ANGEL2: variants seen among roughly 807,000 people sequenced by gnomAD.
The protein encoded by ANGEL2 is RNA 2',3'-cyclic phosphatase ANGEL2.
A neutral mutation model predicts 66.0 loss-of-function variants in ANGEL2; 41 were observed. The ratio of observed to expected loss-of-function variants is 0.62; its 90% CI spans 0.48 to 0.81. The LOEUF (loss-of-function observed/expected upper bound fraction) is 0.81. ANGEL2 is among the 30% of genes least tolerant of loss of function. The pLI, the probability that ANGEL2 is intolerant of heterozygous loss-of-function variation, is 0.00. For synonymous variants in ANGEL2, 208 were observed against 226.5 expected, an observed-to-expected ratio of 0.92 and a Z score of 0.73; for missense variants, 561 against 641.6, an observed-to-expected ratio of 0.87 and a Z score of 1.36.
intron 5 of ANGEL2, chr1:213,001,223 T>A: frequency 3.5e-6 from 1 of 288,838 alleles, no homozygotes; most frequent in Non-Finnish European, 6.5e-6. Context: ...TAGTTCCTAT[T>A]GTATCAAATA....
rs1193750273 is a variant in ANGEL2, at chr1:213,000,351, T to C, written c.1294A>G (p.Thr432Ala). The C allele has an allele frequency of 6.2e-7, 1 of 1,613,934 alleles. No individual in the cohort carries two copies. The highest frequency in any genetic ancestry group is 8.5e-7 in the Non-Finnish European group (1 of 1,179,806). Residue 432 changes from threonine (T) to alanine (A), a missense_variant, in exon 7 of 9, where the codon ACA becomes GCA. Transcript: ENST00000366962. ...TTTTCAGCTGTCACTAGGACCTCTG[T>C]TTGCTTCAGCTGTGTTTGTGTCAGA... ...SDLTQTQLKQ[T>A]EVLVTAEKLS...
chr1:212,992,243 T>C lies in ANGEL2; in HGVS notation c.*2798A>G, dbSNP rs2075878619. ...CAAAGTGCAAATGACTTGACGCCTCTCTTTCCCCAATCCCTTGAACTCTCT... is the reference window on the plus strand; with the variant it reads ...CAAAGTGCAAATGACTTGACGCCTCCCTTTCCCCAATCCCTTGAACTCTCT... On this transcript the variant is annotated 3_prime_UTR_variant, in exon 9 of 9. Transcript: ENST00000366962. 6.6e-6 allele frequency: 1 copy of C among 152,228 alleles called. No individual in the cohort carries two copies. The highest frequency in any genetic ancestry group is 1.5e-5 in the Non-Finnish European group (1 of 68,050). 9.4% of individuals were successfully genotyped at this position (152,228 alleles called of 1,614,324 possible).
At chr1:213,012,183 A>G (rs1156318354) in intron 2 of ANGEL2, among the ~76,000 whole-genome samples, 1 of 152,220 alleles carries the variant, frequency 6.6e-6, no homozygotes, top group African/African-American at 2.4e-5. Flanking sequence ...GAACCTGAAG[A>G]GCACTAATTC....
intron 1 of ANGEL2, chr1:213,015,111 G>C: frequency 1.0e-6 from 1 of 987,306 alleles, no homozygotes. Flanking sequence ...AACAGTAAGG[G>C]ATGACATACA....
At chr1:213,013,526 T>C (rs2076562435) in intron 1 of ANGEL2, 108 bp from the exon 2 acceptor site, 2 of 1,053,200 alleles carry the variant, frequency 1.9e-6, no homozygotes. Context: ...ATTTAAAATC[T>C]GGCTGCTAAA....
At chr1:213,008,500 A>C in intron 2 of ANGEL2, 34 bp from the exon 3 acceptor site, 1 of 1,592,872 alleles carries the variant, frequency 6.3e-7, no homozygotes, top group Admixed American at 1.7e-5. Context: ...ATAAGGAATT[A>C]ATCAAAAGCA....
intron 8 of ANGEL2, among the ~76,000 whole-genome samples, chr1:212,996,441 G>C (rs1396823025): frequency 6.6e-6 from 1 of 150,788 alleles, no homozygotes; most frequent in Non-Finnish European, 1.5e-5. Context: ...GGGCAACACG[G>C]TGAAACCCTG....
At chr1:213,000,943 G>A in intron 5 of ANGEL2, 31 bp from the exon 6 acceptor site, 2 of 1,596,920 alleles carry the variant, frequency 1.3e-6, no homozygotes, top group Non-Finnish European at 1.7e-6. Flanking sequence ...TATCTTAAGT[G>A]AAAAGATTTT....
rs60445711 is a variant in ANGEL2, at chr1:213,004,865, C to CAAA, written c.1134+165_1134+167dup. 5.7e-4 allele frequency among the ~76,000 whole-genome samples: 20 copies of CAAA among 35,270 alleles called. 2 individuals are homozygous for CAAA. The highest frequency in any genetic ancestry group is 8.4e-4 in the Non-Finnish European group (17 of 20,288). The allele number at this position is 35,270 out of a possible 152,430, so 23.1% of individuals were successfully genotyped here. On this transcript the variant is annotated intron_variant, in intron 5 of 8. Coordinates refer to ENST00000366962, the MANE Select transcript of ANGEL2 (RefSeq NM_144567.5). ...CCTGGGCGACAGAGTGAGACTGTCT[C>CAAA]AAAAAAAAAAAAAAAAAAAAAAAAA...
intron 5 of ANGEL2, among the ~76,000 whole-genome samples, chr1:213,003,444 A>C (rs1046813469): frequency 1.3e-5 from 2 of 152,204 alleles, no homozygotes; most frequent in Non-Finnish European, 2.9e-5. Flanking sequence ...GAGACATGTG[A>C]GTCTTCCTTC....
rs1170888300 is a variant in ANGEL2 at position 213,005,460 on chromosome 1, A to AGAAACAAATGAATTT, written c.713-21_713-7dup. ...CTTATATTCACAGTGATAACCTACA[A>AGAAACAAATGAATTT]GAAACAAATGAATTTAAAACAAATG... On this transcript the variant is annotated splice_polypyrimidine_tract_variant and splice_region_variant and intron_variant, in intron 4 of 8. Transcript: ENST00000366962. 89 of 1,564,658 alleles carry AGAAACAAATGAATTT rather than the reference A, an allele frequency of 5.7e-5. No individual in the cohort carries two copies. Among genetic ancestry groups the AGAAACAAATGAATTT allele is most frequent in the Middle Eastern group, 5.2e-4 (3 of 5,822 alleles).
rs1225383435 is a variant in ANGEL2, at chr1:212,993,314, T to TA, written c.*1726dup. 1.3e-5 allele frequency: 2 copies of TA among 151,782 alleles called. No homozygotes were observed. The highest frequency in any genetic ancestry group is 2.4e-5 in the African/African-American group (1 of 41,328). The allele number at this position is 151,782 out of a possible 1,614,324, so 9.4% of individuals were successfully genotyped here. A position where few individuals can be genotyped will look rare whatever the true frequency, so the allele number is the denominator to read the frequency against. On this transcript the variant is annotated 3_prime_UTR_variant, in exon 9 of 9. Transcript: ENST00000366962. ...ATAGCGTGAGACACCATCTAAAAAA[T>TA]AAAAAAATAAAAACCCCCCAAAATG... is the stretch of plus-strand genomic sequence containing the variant.
At position 213,000,718 on chromosome 1, in the gene ANGEL2, T is replaced by G. The variant is rs2076154033; in HGVS notation, c.1261+68A>C. ...CCTGAGATTTTTTCTTTTTAAAAAC[T>G]TAGTTTTATGTCTTCAAAGGGAACA... On this transcript the variant is annotated intron_variant, in intron 6 of 8. Transcript: ENST00000366962. 4.0e-6 allele frequency: 6 copies of G among 1,504,746 alleles called. No homozygotes were observed. The South Asian group carries it at 5.5e-5, about 14-fold the overall frequency. The allele number at this position is 1,504,746 out of a possible 1,614,324, so 93.2% of individuals were successfully genotyped here. A position where few individuals can be genotyped will look rare whatever the true frequency, so the allele number is the denominator to read the frequency against.
At chr1:213,009,308 T>A (rs1190411748) in intron 2 of ANGEL2, among the ~76,000 whole-genome samples, 1 of 152,216 alleles carries the variant, frequency 6.6e-6, no homozygotes, top group African/African-American at 2.4e-5. Context: ...TCTTGTCTCC[T>A]ACATCCTATC....
intron 8 of ANGEL2, among the ~76,000 whole-genome samples, chr1:212,995,806 C>T (rs1186922884): frequency 6.6e-6 from 1 of 150,888 alleles, no homozygotes; most frequent in African/African-American, 2.4e-5. Flanking sequence ...AAGGTTATTC[C>T]CAGAAGAAAG....
chr1:212,995,872 T>C (rs887800640), intron 8 of ANGEL2, among the ~76,000 whole-genome samples: 41 of 151,800 alleles, frequency 2.7e-4, no homozygotes, highest in Admixed American at 2.6e-3. Flanking sequence ...TCCAAAAAAA[T>C]GGAAGAGAAA....
At chr1:213,015,464 C>G (rs1198148004) in intron 1 of ANGEL2, 149 bp downstream of exon 1, 2 of 1,451,362 alleles carry the variant, frequency 1.4e-6, no homozygotes, top group Non-Finnish European at 1.8e-6. Flanking sequence ...TCTGGAGGCT[C>G]GTCCCGGATG....
intron 7 of ANGEL2, among the ~76,000 whole-genome samples, chr1:212,999,324 T>A (rs2076115138): frequency 6.6e-6 from 1 of 152,228 alleles, no homozygotes; most frequent in South Asian, 2.1e-4. Context: ...AATATCTTTT[T>A]TATATCCTAT....
chr1:213,000,980 T>C (rs901112165), intron 5 of ANGEL2, 68 bp from the exon 6 acceptor site: 13 of 1,479,920 alleles, frequency 8.8e-6, no homozygotes, highest in African/African-American at 4.3e-5. Flanking sequence ...GAAAAATTTA[T>C]GTCTTAAATA....
Sources: allele counts gnomAD v4.1 joint callset (sites outside exome capture counted in the v4.1 genomes callset), GRCh38; gene constraint gnomAD v4.1.1; transcripts MANE v1.5; gene names NCBI Gene and HGNC (gene_info 2026-07-23, HGNC 2026-07-21).